Variants in AXIN1 observed in about 807,000 individuals in gnomAD.
The protein encoded by AXIN1 is axin-1.
In AXIN1, 30 loss-of-function variants were observed where a neutral mutation model predicts 76.4. The observed-to-expected ratio is 0.39, with a 90% CI of 0.29 to 0.53. The LOEUF is 0.53. AXIN1 is among the 20% of genes least tolerant of loss of function. The pLI is 0.66. For missense variants in AXIN1, 1,140 were observed against 1,198.8 expected (o/e 0.95, Z 0.72); for synonymous variants, 545 against 501.4 (o/e 1.09, Z -1.16).
intron 2 of AXIN1, among the ~76,000 whole-genome samples, chr16:318,361 C>T (rs2053351467): frequency 6.6e-6 from 1 of 152,296 alleles, no homozygotes; most frequent in South Asian, 2.1e-4. Flanking sequence ...CAAGGTCAGG[C>T]AGCAAAGGGG....
intron 2 of AXIN1, among the ~76,000 whole-genome samples, chr16:320,743 A>ATATATATAT (rs397722732): frequency 8.4e-5 from 9 of 107,664 alleles, no homozygotes; most frequent in Non-Finnish European, 1.4e-4. Flanking sequence ...ATATATATAT[A>ATATATATAT]TTTTTTTTTT....
chr16:347,789 A>G (rs1365085151), intron 1 of AXIN1, among the ~76,000 whole-genome samples: 1 of 152,180 alleles, frequency 6.6e-6, no homozygotes, highest in Non-Finnish European at 1.5e-5. Context: ...CCGAGGGATC[A>G]AGGACACCAC....
At chr16:305,148 G>A (rs979990182) in intron 4 of AXIN1, among the ~76,000 whole-genome samples, 2 of 152,236 alleles carry the variant, frequency 1.3e-5, no homozygotes, top group African/African-American at 4.8e-5. Context: ...GACAGGGGAG[G>A]TCTGGGAAAG....
intron 9 of AXIN1, chr16:290,708 A>G: frequency 3.5e-6 from 1 of 288,990 alleles, no homozygotes; most frequent in South Asian, 3.3e-5. Context: ...TCAGCATTGT[A>G]GGTGGGAGCA....
intron 5 of AXIN1, among the ~76,000 whole-genome samples, chr16:303,672 TCGCC>T (rs1246570762): frequency 6.6e-6 from 1 of 151,998 alleles, no homozygotes; most frequent in Non-Finnish European, 1.5e-5. Flanking sequence ...TGTGAGCCAC[TCGCC>T]CGCCCGTTTC....
At chr16:298,586 C>A (rs1338021439) in intron 5 of AXIN1, among the ~76,000 whole-genome samples, 4 of 152,238 alleles carry the variant, frequency 2.6e-5, no homozygotes, top group African/African-American at 4.8e-5. Flanking sequence ...CAGCTCACTG[C>A]AGCCTCCGCC....
intron 2 of AXIN1, among the ~76,000 whole-genome samples, chr16:318,897 A>AGAGAGAATGCG (rs2053370258): frequency 6.8e-6 from 1 of 146,950 alleles, no homozygotes; most frequent in African/African-American, 2.6e-5. Flanking sequence ...GAGAGAATGC[A>AGAGAGAATGCG]GCCGGGGCCT....
In AXIN1 at chr16:293,838, G is replaced by A; in HGVS notation, c.1956-120C>T. On this transcript the variant is annotated intron_variant, in intron 7 of 10. Coordinates refer to ENST00000262320, the MANE Select transcript of AXIN1 (RefSeq NM_003502.4). The surrounding 1 kb of genome is among the most constrained non-coding windows in gnomAD (Gnocchi z 4.6). ...AGGGATAGGATGGGATGGGGCACTG[G>A]GGCCTGGCCACCAAGCCACATGGAC... 1 of 981,384 alleles carries A rather than the reference G, an allele frequency of 1.0e-6. No individual in the cohort carries two copies. The highest frequency in any genetic ancestry group is 2.4e-5 in the East Asian group (1 of 41,342). The allele number at this position is 981,384 out of a possible 1,614,324, so 60.8% of individuals were successfully genotyped here. A position where few individuals can be genotyped will look rare whatever the true frequency, so the allele number is the denominator to read the frequency against.
rs200184098 is a variant in AXIN1, at chr16:298,146, T to C, written c.1360A>G (p.Met454Val). ...WHHFPPRCVD[M>V]GCAGLRDAHE... is the part of the protein sequence containing the mutation. ...GCATCCCGGAGCCCGGCACAGCCCA[T>C]GTCCACACAGCGGGGCGGGAAGTGG... The change falls in exon 6 of 11, where the codon ATG becomes GTG. Residue 454 changes from methionine (M) to valine (V), a missense_variant. By Grantham distance (21) the Met-to-Val change is conservative. Coordinates refer to ENST00000262320, the MANE Select transcript of AXIN1 (RefSeq NM_003502.4). 4.7e-5 allele frequency: 72 copies of C among 1,543,956 alleles called. No homozygotes were observed. In the African/African-American group the frequency reaches 5.3e-4, roughly 11 times the overall value.
chr16:349,661 G>A (rs745373574), intron 1 of AXIN1, among the ~76,000 whole-genome samples: 5 of 152,184 alleles, frequency 3.3e-5, no homozygotes, highest in Non-Finnish European at 7.3e-5. Flanking sequence ...CAACTAACGG[G>A]CACCAGTAAG....
Position 297,956 on chromosome 16 carries a change from A to G in AXIN1, c.1550T>C (p.Val517Ala), listed in dbSNP as rs2141512105. The G allele has an allele frequency of 6.2e-7, 1 of 1,603,334 alleles. No individual in the cohort carries two copies. The highest frequency in any genetic ancestry group is 8.5e-7 in the Non-Finnish European group (1 of 1,176,912). ...GTCCAGCTTCGCCCCTGACTTGGGT[A>G]CGTGCTTCCCGTGCCCCGAGGCGGC... ...GGAASGHGKH[V>A]PKSGAKLDAA... is the part of the protein sequence containing the mutation. Residue 517 changes from valine to alanine, a missense_variant, in exon 6 of 11, where the codon GTA (valine) becomes GCA (alanine). Transcript: ENST00000262320.
Position 320,115 on chromosome 16 carries a change from G to A in AXIN1, c.879-5432C>T, listed in dbSNP as rs1011430310. Among the ~76,000 whole-genome samples, 8 of 152,082 alleles carry A rather than the reference G, an allele frequency of 5.3e-5. No individual in the cohort carries two copies. The East Asian group carries it at 5.8e-4, about 11-fold the overall frequency. On this transcript the variant is annotated intron_variant, in intron 2 of 10. Transcript: ENST00000262320. ...AGCCCCCCACACACTCACAAGCAAC[G>A]CATTTCCTGCACTGACATTTTCTTT...
intron 2 of AXIN1, among the ~76,000 whole-genome samples, chr16:331,633 C>T (rs545485709): frequency 4.6e-5 from 7 of 152,284 alleles, no homozygotes; most frequent in Admixed American, 1.3e-4. Flanking sequence ...AGTAAGCGGA[C>T]GCATAACAAA....
intron 2 of AXIN1, among the ~76,000 whole-genome samples, chr16:323,283 C>CA (rs1423715272): frequency 1.3e-5 from 2 of 150,440 alleles, no homozygotes; most frequent in Non-Finnish European, 3.0e-5. Flanking sequence ...ACTAAAAATA[C>CA]AAAAAATTAG....
At chr16:337,671 A>G (rs937658610) in intron 2 of AXIN1, among the ~76,000 whole-genome samples, 2 of 152,204 alleles carry the variant, frequency 1.3e-5, no homozygotes, top group Admixed American at 6.6e-5. Flanking sequence ...CAGCTGAGCC[A>G]AGAGCTGAGC....
chr16:320,779 G>T (rs1416492411), intron 2 of AXIN1, among the ~76,000 whole-genome samples: 1 of 121,924 alleles, frequency 8.2e-6, no homozygotes, highest in Non-Finnish European at 1.6e-5. Flanking sequence ...TCGCTCTTTC[G>T]CCCAGACTGG....
chr16:297,768 C>G lies in AXIN1; in HGVS notation c.1738G>C (p.Glu580Gln), dbSNP rs2052754787. The G allele has an allele frequency of 6.3e-7, 1 of 1,586,480 alleles. No homozygotes were observed. The highest frequency in any genetic ancestry group is 1.3e-5 in the African/African-American group (1 of 74,372). ...SHGARSRGYSESVGAAPNASD... is the reference protein window; with the variant it reads ...SHGARSRGYSQSVGAAPNASD... ...GCGTTGGGGGCAGCGCCAACACTCT[C>G]TGAGTAGCCTCGGGACCTTGCCCCA... is the stretch of plus-strand genomic sequence containing the variant. The change falls in exon 6 of 11, where the codon GAG becomes CAG. Residue 580 changes from glutamate (E) to glutamine (Q), a missense_variant. Coordinates refer to ENST00000262320, the MANE Select transcript of AXIN1 (RefSeq NM_003502.4).
intron 2 of AXIN1, among the ~76,000 whole-genome samples, chr16:320,072 G>A (rs1261003716): frequency 1.3e-5 from 2 of 152,118 alleles, no homozygotes; most frequent in Non-Finnish European, 2.9e-5. Flanking sequence ...CAGGCCGCAT[G>A]AGAACCTCAG....
intron 4 of AXIN1, among the ~76,000 whole-genome samples, chr16:309,374 G>C (rs2053114444): frequency 6.6e-6 from 1 of 152,136 alleles, no homozygotes; most frequent in Non-Finnish European, 1.5e-5. Flanking sequence ...AATAAGGAAA[G>C]ATCATTAATC....
Sources: allele counts gnomAD v4.1 joint callset (sites outside exome capture counted in the v4.1 genomes callset), GRCh38; gene constraint gnomAD v4.1.1; non-coding constraint Gnocchi (gnomAD v3.1); transcripts MANE v1.5; gene names NCBI Gene and HGNC (gene_info 2026-07-23, HGNC 2026-07-21).